PCDHGA1: variants seen among roughly 807,000 people sequenced by gnomAD.
PCDHGA1 encodes protocadherin gamma subfamily A, 1, also known as protocadherin gamma-A1.
A neutral mutation model predicts 58.0 loss-of-function variants in PCDHGA1; 32 were observed. That is an observed-to-expected ratio of 0.55 (90% CI 0.42 to 0.74). The LOEUF (loss-of-function observed/expected upper bound fraction) is 0.74, where lower values mean the gene tolerates loss of function less well. Among genes scored for constraint, PCDHGA1 ranks in the 30% least tolerant of loss-of-function variants. The probability of loss-of-function intolerance (pLI) is 0.00; values close to 1 mark genes in which losing one functional copy is unlikely to be tolerated. For missense variants in PCDHGA1, 1,205 were observed against 1,182.3 expected (o/e 1.02, Z -0.28); for synonymous variants, 498 against 501.1 (o/e 0.99, Z 0.08).
chr5:141,388,412 T>A, intron 1 of PCDHGA1: 1 of 1,613,870 alleles, frequency 6.2e-7, no homozygotes, highest in Non-Finnish European at 8.5e-7. Context: ...GTCCCAGTGA[T>A]CATTTCTCAC....
intron 1 of PCDHGA1, chr5:141,351,355 A>C (rs1758699378): frequency 1.2e-6 from 2 of 1,613,176 alleles, no homozygotes; most frequent in Admixed American, 3.3e-5. Context: ...TAGCCCTCAT[A>C]AAAGTGCGAG....
intron 1 of PCDHGA1, among the ~76,000 whole-genome samples, chr5:141,434,495 G>A (rs1414485396): frequency 6.6e-6 from 1 of 152,220 alleles, no homozygotes; most frequent in Non-Finnish European, 1.5e-5. Flanking sequence ...GGCCCGCCCA[G>A]GGCAGAAAAC....
chr5:141,408,299 A>C, intron 1 of PCDHGA1: 1 of 1,613,662 alleles, frequency 6.2e-7, no homozygotes, highest in Non-Finnish European at 8.5e-7. Context: ...GAGTGAGCCG[A>C]TCCGCTACTC....
Position 141,331,629 on chromosome 5 carries a change from T to G in PCDHGA1, c.945T>G (p.Tyr315Ter). The change falls in exon 1 of 4, where the codon TAT becomes TAG. Residue 315 changes from tyrosine to a stop codon, truncating the protein, a stop_gained. Transcript: ENST00000517417. LOFTEE classifies it high-confidence loss of function. ...TAGATTTCGAAGAATACAAAATGTA[T>G]TCAATGGAAGTTCAAGCCCAGGATG... ...EPLDFEEYKM[Y>*]SMEVQAQDGA... is the part of the protein sequence containing the mutation. The G allele has an allele frequency of 6.2e-7, 1 of 1,614,092 alleles. No individual in the cohort carries two copies. Among genetic ancestry groups the G allele is most frequent in the South Asian group, 1.1e-5 (1 of 91,078 alleles).
intron 1 of PCDHGA1, among the ~76,000 whole-genome samples, chr5:141,446,322 C>A (rs1561922470): frequency 2.0e-5 from 3 of 151,968 alleles, no homozygotes; most frequent in South Asian, 4.1e-4. Flanking sequence ...TGGGTTTCCA[C>A]ATTAAGGAAC....
intron 1 of PCDHGA1, among the ~76,000 whole-genome samples, chr5:141,445,077 T>C (rs778919022): frequency 5.9e-5 from 9 of 152,242 alleles, no homozygotes; most frequent in Non-Finnish European, 1.2e-4. Flanking sequence ...CTCATTAAAT[T>C]GTCCCTACAT....
intron 1 of PCDHGA1, 51 bp downstream of exon 1, chr5:141,333,156 A>G: frequency 2.5e-6 from 4 of 1,611,582 alleles, no homozygotes; most frequent in Non-Finnish European, 3.4e-6. Context: ...ATAATTCTTG[A>G]TTTAACTTAC....
At chr5:141,356,309 A>G (rs1276451219) in intron 1 of PCDHGA1, 1 of 1,554,284 alleles carries the variant, frequency 6.4e-7, no homozygotes, top group Non-Finnish European at 8.7e-7. Context: ...GCACTTTTCA[A>G]CGTGCATGAC....
At chr5:141,344,932 A>T in intron 1 of PCDHGA1, 1 of 1,613,936 alleles carries the variant, frequency 6.2e-7, no homozygotes, top group Non-Finnish European at 8.5e-7. Context: ...GTGAGTGGAG[A>T]AGTATCAATA....
intron 1 of PCDHGA1, chr5:141,428,217 C>A: frequency 8.3e-7 from 1 of 1,211,998 alleles, no homozygotes; most frequent in Non-Finnish European, 1.2e-6. Context: ...TTCACCTAGT[C>A]TTCGCAGACA....
intron 1 of PCDHGA1, chr5:141,354,950 C>A: frequency 2.3e-6 from 1 of 428,008 alleles, no homozygotes; most frequent in East Asian, 3.5e-5. Flanking sequence ...GAATAAATTG[C>A]AGTAACAGGT....
chr5:141,371,466 GA>G (rs756224078), intron 1 of PCDHGA1: 1 of 1,613,980 alleles, frequency 6.2e-7, no homozygotes, highest in Non-Finnish European at 8.5e-7. Context: ...ACATATACAA[GA>G]AGATGCTGAG....
At chr5:141,474,419 A>AT (rs1348108901) in intron 1 of PCDHGA1, among the ~76,000 whole-genome samples, 1 of 152,204 alleles carries the variant, frequency 6.6e-6, no homozygotes, top group Non-Finnish European at 1.5e-5. Context: ...TGCCTAGACC[A>AT]TTGGTCCTCA....
At chr5:141,370,557 G>C in intron 1 of PCDHGA1, 3 of 1,613,966 alleles carry the variant, frequency 1.9e-6, no homozygotes, top group Non-Finnish European at 2.5e-6. Flanking sequence ...CAAGGACCTG[G>C]GGTTTGGCGT....
rs374655655 is a variant in PCDHGA1, at chr5:141,431,023, C to A, written c.2422-63784C>A. 1 of 1,613,748 alleles carries A rather than the reference C, an allele frequency of 6.2e-7. No homozygotes were observed. The highest frequency in any genetic ancestry group is 2.2e-5 in the East Asian group (1 of 44,862). On this transcript the variant is annotated intron_variant, in intron 1 of 3. Coordinates refer to ENST00000517417, the MANE Select transcript of PCDHGA1 (RefSeq NM_018912.3). The surrounding 1 kb of genome is among the most constrained non-coding windows in gnomAD (Gnocchi z 4.8). ...GCAGCGGCAGCTTGGTCACGGCGGG[C>A]AGGATAGACCGGGAGGAGCTCTGTA...
chr5:141,456,389 TTTGA>T (rs1181323617), intron 1 of PCDHGA1, among the ~76,000 whole-genome samples: 2 of 152,074 alleles, frequency 1.3e-5, no homozygotes, highest in Non-Finnish European at 2.9e-5. Flanking sequence ...CCGTTTGGAG[TTTGA>T]TTGCTTCTAG....
rs2099427993 is a variant in PCDHGA1, at chr5:141,477,978, T to C, written c.2422-16829T>C. Reference sequence around the variant, plus strand: ...TCCCCTAACCAGAGCCTTTTTGCCATAGGGCTGCACACTGGTCAAATCAGT... The same window carrying C: ...TCCCCTAACCAGAGCCTTTTTGCCACAGGGCTGCACACTGGTCAAATCAGT... On this transcript the variant is annotated intron_variant, in intron 1 of 3. Coordinates refer to ENST00000517417, the MANE Select transcript of PCDHGA1 (RefSeq NM_018912.3). This position sits in a 1 kb window ranked among gnomAD's most constrained non-coding sequence, Gnocchi z 4.9. 6.2e-7 allele frequency: 1 copy of C among 1,614,120 alleles called. No individual in the cohort carries two copies. Among genetic ancestry groups the C allele is most frequent in the Non-Finnish European group, 8.5e-7 (1 of 1,180,022 alleles).
intron 1 of PCDHGA1, among the ~76,000 whole-genome samples, chr5:141,442,633 C>A (rs1210890820): frequency 6.6e-6 from 1 of 152,158 alleles, no homozygotes; most frequent in Admixed American, 6.5e-5. Flanking sequence ...AGCAGCAAGA[C>A]CAAAGGCCTA....
chr5:141,365,276 C>G, intron 1 of PCDHGA1: 1 of 1,613,968 alleles, frequency 6.2e-7, no homozygotes, highest in Non-Finnish European at 8.5e-7. Flanking sequence ...CAGATTCTAC[C>G]TCATGGAAGT....
Sources: allele counts gnomAD v4.1 joint callset (sites outside exome capture counted in the v4.1 genomes callset), GRCh38; gene constraint gnomAD v4.1.1; non-coding constraint Gnocchi (gnomAD v3.1); transcripts MANE v1.5; gene names NCBI Gene and HGNC (gene_info 2026-07-23, HGNC 2026-07-21).